Variants in STAB2 observed in about 807,000 individuals in gnomAD.
STAB2 encodes stabilin-2.
A neutral mutation model predicts 338.1 loss-of-function variants in STAB2; 288 were observed. That is an observed-to-expected ratio of 0.85 (90% confidence interval 0.77 to 0.94). The LOEUF is 0.94. STAB2 is among the 40% of genes least tolerant of loss of function. The pLI, the probability that STAB2 is intolerant of heterozygous loss-of-function variation, is 0.00. For missense variants in STAB2, 3,141 were observed against 3,210.1 expected (o/e 0.98, Z 0.52); for synonymous variants, 1,202 against 1,193.3 (o/e 1.01, Z -0.15).
At chr12:103,650,424 G>A in intron 10 of STAB2, 72 bp from the exon 11 acceptor site, 5 of 1,339,312 alleles carry the variant, frequency 3.7e-6, no homozygotes, top group Non-Finnish European at 5.3e-6. Flanking sequence ...AAGACCTGTT[G>A]CCTGATTTTA....
chr12:103,714,434 T>G (rs1280282651), intron 42 of STAB2, among the ~76,000 whole-genome samples: 2 of 152,192 alleles, frequency 1.3e-5, no homozygotes, highest in South Asian at 4.1e-4. Flanking sequence ...GCGCAGTGGC[T>G]CACACCTCTA....
chr12:103,714,584 G>T (rs1347417648), intron 42 of STAB2, among the ~76,000 whole-genome samples: 2 of 151,962 alleles, frequency 1.3e-5, no homozygotes, highest in Non-Finnish European at 2.9e-5. Context: ...CTACTTGGGA[G>T]GCTGAGGCAG....
intron 68 of STAB2, 155 bp downstream of exon 68, chr12:103,763,763 T>A: frequency 1.5e-6 from 1 of 675,768 alleles, no homozygotes; most frequent in Non-Finnish European, 2.5e-6. Flanking sequence ...GCAAGCTGAC[T>A]GAAGCCAGTG....
intron 39 of STAB2, chr12:103,711,269 A>G (rs1360605141): frequency 9.6e-6 from 6 of 621,940 alleles, no homozygotes; most frequent in Non-Finnish European, 1.4e-5. Flanking sequence ...AGAAGACACC[A>G]TCAATGTATT....
intron 42 of STAB2, among the ~76,000 whole-genome samples, chr12:103,714,468 G>A (rs1880141027): frequency 6.6e-6 from 1 of 152,158 alleles, no homozygotes; most frequent in Non-Finnish European, 1.5e-5. Flanking sequence ...GGGAGACCAA[G>A]GCAGGCAGAT....
chr12:103,636,159 T>C (rs987692538), intron 6 of STAB2, among the ~76,000 whole-genome samples: 5 of 151,820 alleles, frequency 3.3e-5, no homozygotes. Flanking sequence ...AACTCGTCAT[T>C]TAGCATTAGG....
At chr12:103,663,857 C>A (rs1325505851) in intron 18 of STAB2, among the ~76,000 whole-genome samples, 2 of 152,222 alleles carry the variant, frequency 1.3e-5, no homozygotes, top group Non-Finnish European at 2.9e-5. Flanking sequence ...GGTTTTCCAA[C>A]CCAACCCCTG....
At position 103,678,824 on chromosome 12, in the gene STAB2, G is replaced by A. The variant is rs537675283; in HGVS notation, c.2805+1213G>A. Among the ~76,000 whole-genome samples the A allele has an allele frequency of 1.9e-3, 292 of 152,148 alleles. 1 individual carries two copies. The highest frequency in any genetic ancestry group is 3.2e-3 in the Non-Finnish European group (216 of 68,000). ...TGGGATTACAGGTGTAAGCCACCAT[G>A]CCCAGCCAATCTTCCTTATTTAAAA... is the stretch of plus-strand genomic sequence containing the variant. On this transcript the variant is annotated intron_variant, in intron 25 of 68. Transcript: ENST00000388887.
chr12:103,724,161 T>A (rs1356011251), intron 44 of STAB2, among the ~76,000 whole-genome samples: 2 of 152,136 alleles, frequency 1.3e-5, no homozygotes, highest in African/African-American at 4.8e-5. Flanking sequence ...TGAGGGTGTT[T>A]GGAAGTGACA....
At position 103,755,622 on chromosome 12, in the gene STAB2, C is replaced by T. The variant is rs771357216; in HGVS notation, c.6891C>T (p.Cys2297=). 1.2e-6 allele frequency: 2 copies of T among 1,614,184 alleles called. No homozygotes were observed. The highest frequency in any genetic ancestry group is 1.7e-6 in the Non-Finnish European group (2 of 1,180,032). Residue 2297 remains cysteine (C), a synonymous_variant, in exon 63 of 69, where the codon TGC becomes TGT. Transcript: ENST00000388887. ...GCCTCTGCCCTCCAGATGTGAACTG[C>T]ACCTGCAAGGTGGGCTATGTGGGAG... is the stretch of plus-strand genomic sequence containing the variant. ...VFCYRMKDVN[C]TCKVGYVGDG...
intron 2 of STAB2, chr12:103,592,188 T>C (rs1487284067): frequency 6.6e-6 from 1 of 152,232 alleles, no homozygotes; most frequent in Non-Finnish European, 1.5e-5. Context: ...GTTCGTATGA[T>C]ACGTGATTAA....
chr12:103,590,906 T>C lies in STAB2; in HGVS notation c.91T>C (p.Cys31Arg). The C allele has an allele frequency of 6.2e-7, 1 of 1,614,034 alleles. No individual in the cohort carries two copies. ...PAETTGQARR[C>R]DRKSLLTIRT... is the part of the protein sequence containing the mutation. ...TTTAATATTTACACAGGCAAGAAGATGTGATAGGAAGTCTCTTCTTACAAT... is the reference window on the plus strand; with the variant it reads ...TTTAATATTTACACAGGCAAGAAGACGTGATAGGAAGTCTCTTCTTACAAT... The change falls in exon 2 of 69, where the codon TGT becomes CGT. Residue 31 changes from cysteine to arginine, a missense_variant. By Grantham distance (180) the Cys-to-Arg change is radical. Coordinates refer to ENST00000388887, the MANE Select transcript of STAB2 (RefSeq NM_017564.10).
At chr12:103,741,024 T>G (rs1028694697) in intron 55 of STAB2, among the ~76,000 whole-genome samples, 2 of 152,338 alleles carry the variant, frequency 1.3e-5, no homozygotes, top group African/African-American at 4.8e-5. Flanking sequence ...ATTATGGTGC[T>G]AAATACACCG....
At chr12:103,600,701 A>G (rs1431670847) in intron 3 of STAB2, among the ~76,000 whole-genome samples, 1 of 152,244 alleles carries the variant, frequency 6.6e-6, no homozygotes, top group Non-Finnish European at 1.5e-5. Context: ...GGGCTGGGCC[A>G]GGGTGAAGCA....
chr12:103,761,167 C>T (rs1884506601), intron 65 of STAB2, 133 bp from the exon 66 acceptor site: 1 of 733,606 alleles, frequency 1.4e-6, no homozygotes, highest in Non-Finnish European at 2.3e-6. Context: ...GAGGAGAAGT[C>T]CTGGGCTGCC....
chr12:103,739,607 GT>G, intron 54 of STAB2, 139 bp downstream of exon 54: 1 of 708,746 alleles, frequency 1.4e-6, no homozygotes, highest in Non-Finnish European at 2.0e-6. Context: ...TGTAATTTAT[GT>G]CATTCTTTCA....
chr12:103,749,551 C>T (rs1429961837), intron 59 of STAB2, among the ~76,000 whole-genome samples: 1 of 151,764 alleles, frequency 6.6e-6, no homozygotes, highest in African/African-American at 2.4e-5. Flanking sequence ...AAAAGCTGGC[C>T]GGGCACGGTG....
chr12:103,693,817 A>G (rs1043395120), intron 31 of STAB2, among the ~76,000 whole-genome samples: 4 of 152,160 alleles, frequency 2.6e-5, no homozygotes, highest in Admixed American at 2.6e-4. Flanking sequence ...CTTTTGTAAG[A>G]TGGAAGATCA....
chr12:103,613,815 G>C lies in STAB2; in HGVS notation c.332-6653G>C, dbSNP rs149470498. Among the ~76,000 whole-genome samples the C allele has an allele frequency of 3.0e-4, 45 of 152,058 alleles. No homozygotes were observed. In the East Asian group the frequency reaches 8.3e-3, roughly 28 times the overall value. ...CTGTAGACTGGAGCTGTTCCTATTC[G>C]GCCATCTTGGAACCCTCTCCTCTTC... On this transcript the variant is annotated intron_variant, in intron 3 of 68. Transcript: ENST00000388887.
Sources: allele counts gnomAD v4.1 joint callset (sites outside exome capture counted in the v4.1 genomes callset), GRCh38; gene constraint gnomAD v4.1.1; transcripts MANE v1.5; gene names NCBI Gene and HGNC (gene_info 2026-07-23, HGNC 2026-07-21).